SFSWAP: variants seen among roughly 807,000 people sequenced by gnomAD.
The protein encoded by SFSWAP is splicing factor, suppressor of white-apricot homolog.
SFSWAP carries 17 observed loss-of-function variants against 100.7 expected under a neutral mutation model. The observed-to-expected ratio is 0.17, with a 90% CI of 0.12 to 0.25. SFSWAP has a LOEUF of 0.25. SFSWAP is among the 10% of genes least tolerant of loss of function. The probability of loss-of-function intolerance (pLI) is 1.00; values close to 1 mark genes in which losing one functional copy is unlikely to be tolerated. For synonymous variants in SFSWAP, 504 were observed against 510.1 expected (o/e 0.99, Z 0.16); for missense variants, 1,005 against 1,262.6 (o/e 0.80, Z 3.09).
At chr12:131,731,992 C>G (rs2136195251) in intron 7 of SFSWAP, among the ~76,000 whole-genome samples, 1 of 147,126 alleles carries the variant, frequency 6.8e-6, no homozygotes, top group South Asian at 2.2e-4. Context: ...TCACTGCAGC[C>G]TCCACCTCCT....
chr12:131,785,916 C>T (rs1443161931), intron 14 of SFSWAP: 6 of 153,222 alleles, frequency 3.9e-5, no homozygotes. Context: ...GGAGAAATTT[C>T]CAGGTAGGCC....
rs199893333 is a variant in SFSWAP, at chr12:131,799,127, C to T, written c.2790+18C>T. 1.2e-5 allele frequency: 19 copies of T among 1,595,932 alleles called. No homozygotes were observed. Among genetic ancestry groups the T allele is most frequent in the South Asian group, 5.5e-5 (5 of 90,650 alleles). ...TCACTCAGGTCAGTGGGCACGCCCC[C>T]CTCCCGCTCCCAGCCTTTCATCAAG... On this transcript the variant is annotated intron_variant, in intron 17 of 17. Coordinates refer to ENST00000261674, the MANE Select transcript of SFSWAP (RefSeq NM_004592.4).
intron 15 of SFSWAP, among the ~76,000 whole-genome samples, chr12:131,792,860 G>A (rs189884603): frequency 1.4e-4 from 21 of 152,332 alleles, no homozygotes; most frequent in African/African-American, 3.6e-4. Context: ...ACTCCAAAGC[G>A]TGTGTGGAAA....
intron 14 of SFSWAP, chr12:131,784,828 C>G: frequency 2.9e-6 from 1 of 343,678 alleles, no homozygotes; most frequent in East Asian, 4.6e-5. Context: ...GTAACAGCCA[C>G]TTCCCTTTAA....
chr12:131,789,866 T>G (rs1237752176), intron 15 of SFSWAP, among the ~76,000 whole-genome samples: 1 of 152,254 alleles, frequency 6.6e-6, no homozygotes, highest in Non-Finnish European at 1.5e-5. Context: ...AGTGTCCATT[T>G]GTCCCATCAT....
chr12:131,745,263 A>G (rs1158265662), intron 7 of SFSWAP, among the ~76,000 whole-genome samples: 1 of 152,220 alleles, frequency 6.6e-6, no homozygotes, highest in Admixed American at 6.5e-5. Context: ...GATTTATGTT[A>G]TAGAGAGCTA....
At chr12:131,764,395 C>G in intron 11 of SFSWAP, 61 bp from the exon 12 acceptor site, 1 of 1,351,790 alleles carries the variant, frequency 7.4e-7, no homozygotes, top group Non-Finnish European at 1.0e-6. Flanking sequence ...AGGTGGGTAG[C>G]AGGGCCTGCA....
intron 11 of SFSWAP, among the ~76,000 whole-genome samples, chr12:131,763,593 C>T (rs1466930579): frequency 6.6e-6 from 1 of 152,054 alleles, no homozygotes; most frequent in Non-Finnish European, 1.5e-5. Flanking sequence ...ACTTCTGTCA[C>T]GCTGGGTTTG....
chr12:131,747,106 A>T (rs935249211), intron 7 of SFSWAP, among the ~76,000 whole-genome samples: 1 of 150,876 alleles, frequency 6.6e-6, no homozygotes, highest in African/African-American at 2.4e-5. Context: ...TCTGTCTCAA[A>T]AAAAAAAAAA....
rs929614495 is a variant in SFSWAP at position 131,786,574 on chromosome 12, G to A, written c.2520G>A (p.Lys840=). 12 of 1,589,686 alleles carry A rather than the reference G, an allele frequency of 7.5e-6. No individual in the cohort carries two copies. The East Asian group carries it at 1.8e-4, about 24-fold the overall frequency. Residue 840 remains lysine, a synonymous_variant, in exon 15 of 18, where the codon AAG becomes AAA. Transcript: ENST00000261674. ...GCCGCAGCCCTGGGGCCAGTAGGAA[G>A]CGGACCCGCTCCAGGTAGGCCACTG... ...RVSRSPGASR[K]RTRSRSPHEK...
chr12:131,723,122 A>C (rs1333289135), intron 4 of SFSWAP: 1 of 152,182 alleles, frequency 6.6e-6, no homozygotes, highest in African/African-American at 2.4e-5. Flanking sequence ...AGCTTTATCG[A>C]ATTTGTGCAG....
intron 16 of SFSWAP, among the ~76,000 whole-genome samples, 177 bp from the exon 17 acceptor site, chr12:131,798,860 A>G (rs1469475082): frequency 6.6e-6 from 1 of 152,142 alleles, no homozygotes; most frequent in Non-Finnish European, 1.5e-5. Context: ...ATTGCACTCC[A>G]GCCTGGGTGA....
In SFSWAP at chr12:131,714,966, C is replaced by G; in HGVS notation, c.520+13C>G. 1.2e-6 allele frequency: 2 copies of G among 1,613,502 alleles called. No individual in the cohort carries two copies. On this transcript the variant is annotated intron_variant, in intron 3 of 17. Coordinates refer to ENST00000261674, the MANE Select transcript of SFSWAP (RefSeq NM_004592.4). This position sits in a 1 kb window ranked among gnomAD's most constrained non-coding sequence, Gnocchi z 6.0. The stretch of plus-strand genomic sequence containing the variant: ...TCCAAACAGAGAGGTGAGTGGGGAG[C>G]TGCCTGGACTGCTGGTGTAGGGCTA...
intron 1 of SFSWAP, chr12:131,712,297 G>A (rs1345172209): frequency 1.3e-5 from 2 of 152,204 alleles, no homozygotes; most frequent in Non-Finnish European, 2.9e-5. Flanking sequence ...AAAGGCGTTT[G>A]ATTTGAAAAG....
At position 131,725,797 on chromosome 12, in the gene SFSWAP, A is replaced by T. The variant is rs1878912278; in HGVS notation, c.832+167A>T. On this transcript the variant is annotated intron_variant, in intron 5 of 17. Coordinates refer to ENST00000261674, the MANE Select transcript of SFSWAP (RefSeq NM_004592.4). This position sits in a 1 kb window ranked among gnomAD's most constrained non-coding sequence, Gnocchi z 4.3. ...TCTGAAATCCTGCAGCTAAGGCGTG[A>T]TCGTTACCCCTGCTGGTGCACCTTT... Among the ~76,000 whole-genome samples, 1 of 152,198 alleles carries T rather than the reference A, an allele frequency of 6.6e-6. No homozygotes were observed. Among genetic ancestry groups the T allele is most frequent in the African/African-American group, 2.4e-5 (1 of 41,438 alleles).
chr12:131,731,022 C>A (rs7959526), intron 7 of SFSWAP, among the ~76,000 whole-genome samples: 2,023 of 152,286 alleles, frequency 0.013, 41 homozygotes, highest in African/African-American at 0.045. Context: ...AGCCTCCTCG[C>A]TGAGCACAGC....
At chr12:131,729,676 T>C (rs528610814) in intron 7 of SFSWAP, among the ~76,000 whole-genome samples, 48 of 152,354 alleles carry the variant, frequency 3.2e-4, no homozygotes, top group African/African-American at 1.1e-3. Flanking sequence ...GCGTCAGGTC[T>C]TTCTGTAATT....
chr12:131,716,536 T>C (rs1160367445), intron 3 of SFSWAP, among the ~76,000 whole-genome samples: 1 of 152,238 alleles, frequency 6.6e-6, no homozygotes, highest in African/African-American at 2.4e-5. Context: ...GAATAGATAC[T>C]ATAGCCACTT....
chr12:131,775,358 C>A (rs972821700), intron 13 of SFSWAP, among the ~76,000 whole-genome samples: 4 of 152,228 alleles, frequency 2.6e-5, no homozygotes, highest in African/African-American at 9.6e-5. Context: ...GCAGCTCTGA[C>A]TTCCCGAACA....
Sources: allele counts gnomAD v4.1 joint callset (sites outside exome capture counted in the v4.1 genomes callset), GRCh38; gene constraint gnomAD v4.1.1; non-coding constraint Gnocchi (gnomAD v3.1); transcripts MANE v1.5; gene names NCBI Gene and HGNC (gene_info 2026-07-23, HGNC 2026-07-21).